TNR: variants seen among roughly 807,000 people sequenced by gnomAD.
TNR encodes tenascin R.
A neutral mutation model predicts 150.4 loss-of-function variants in TNR; 45 were observed. That is an observed-to-expected ratio of 0.30 (90% CI 0.24 to 0.38). The LOEUF (loss-of-function observed/expected upper bound fraction) is 0.38, where lower values mean the gene tolerates loss of function less well. Among genes scored for constraint, TNR ranks in the 10% least tolerant of loss-of-function variants. The pLI is 1.00. For missense variants in TNR, 1,544 were observed against 1,759.1 expected, an observed-to-expected ratio of 0.88 and a Z score of 2.19; for synonymous variants, 687 against 678.4, an observed-to-expected ratio of 1.01 and a Z score of -0.20.
intron 1 of TNR, among the ~76,000 whole-genome samples, chr1:175,646,869 C>T (rs573234698): frequency 1.3e-5 from 2 of 152,334 alleles, no homozygotes; most frequent in African/African-American, 4.8e-5. Flanking sequence ...GTTTTAATTC[C>T]TCTTGATCCA....
At chr1:175,458,258 GT>G (rs2102101573) in intron 2 of TNR, among the ~76,000 whole-genome samples, 1 of 152,208 alleles carries the variant, frequency 6.6e-6, no homozygotes, top group African/African-American at 2.4e-5. Context: ...TATGATTACT[GT>G]GTAAACCATT....
chr1:175,397,392 A>C (rs1557907184), intron 4 of TNR, among the ~76,000 whole-genome samples: 1 of 152,178 alleles, frequency 6.6e-6, no homozygotes, highest in East Asian at 1.9e-4. Context: ...GGGGCTTTTA[A>C]ATTTTTTTCC....
chr1:175,474,435 G>T (rs532351656), intron 2 of TNR, among the ~76,000 whole-genome samples: 2 of 152,170 alleles, frequency 1.3e-5, no homozygotes, highest in Non-Finnish European at 2.9e-5. Context: ...CTCAGAGAGG[G>T]CTAACCCTGC....
chr1:175,679,354 C>T (rs1221931877), intron 1 of TNR, among the ~76,000 whole-genome samples: 3 of 152,222 alleles, frequency 2.0e-5, no homozygotes, highest in Non-Finnish European at 4.4e-5. Context: ...CAGCCAGATG[C>T]AAGCCCTCTG....
Position 175,365,011 on chromosome 1 carries a change from T to C in TNR, c.2586A>G (p.Thr862=). 2 of 1,604,196 alleles carry C rather than the reference T, an allele frequency of 1.2e-6. No homozygotes were observed. The highest frequency in any genetic ancestry group is 1.7e-5 in the Admixed American group (1 of 59,676). The change falls in exon 12 of 23, where the codon ACA becomes ACG. Residue 862 remains threonine, a splice_region_variant and synonymous_variant. Transcript: ENST00000367674. ...TSEPIVGSIT[T]GIDPPKDITI... ...TGCTGCCAAGTCCTCCAGCCTCACC[T>C]GTGGTGATGGAGCCCACAATGGGCT... is the stretch of plus-strand genomic sequence containing the variant.
intron 2 of TNR, among the ~76,000 whole-genome samples, chr1:175,472,983 G>T (rs969928517): frequency 6.6e-6 from 1 of 152,196 alleles, no homozygotes; most frequent in African/African-American, 2.4e-5. Flanking sequence ...AGAATAGAAG[G>T]CTTTGGAGCA....
chr1:175,455,810 G>A (rs1280916491), intron 2 of TNR, among the ~76,000 whole-genome samples: 8 of 152,222 alleles, frequency 5.3e-5, no homozygotes, highest in Admixed American at 5.2e-4. Flanking sequence ...GGCAGCCAGA[G>A]TAGGTCCTTG....
intron 1 of TNR, among the ~76,000 whole-genome samples, chr1:175,695,412 T>C (rs1026465155): frequency 6.6e-6 from 1 of 152,180 alleles, no homozygotes; most frequent in African/African-American, 2.4e-5. Flanking sequence ...ACTGCACAGC[T>C]AAGCTGCTCC....
chr1:175,743,119 C>T (rs1006819632), intron 1 of TNR, 107 bp downstream of exon 1: 9 of 152,202 alleles, frequency 5.9e-5, no homozygotes, highest in Non-Finnish European at 1.3e-4. Flanking sequence ...TGCCAAATGC[C>T]TTGCAGAACA....
chr1:175,510,731 AT>A (rs1214747034), intron 2 of TNR, among the ~76,000 whole-genome samples: 1 of 152,232 alleles, frequency 6.6e-6, no homozygotes, highest in Non-Finnish European at 1.5e-5. Context: ...AAGCAAGTTT[AT>A]TCTATAAATC....
chr1:175,735,546 G>A (rs1056817139), intron 1 of TNR, among the ~76,000 whole-genome samples: 2 of 152,180 alleles, frequency 1.3e-5, no homozygotes, highest in African/African-American at 2.4e-5. Context: ...AATACTTCAC[G>A]AAGCAGGCAG....
At chr1:175,480,315 A>G (rs571477415) in intron 2 of TNR, among the ~76,000 whole-genome samples, 1 of 151,710 alleles carries the variant, frequency 6.6e-6, no homozygotes, top group South Asian at 2.1e-4. Context: ...TGAGGAAGAA[A>G]GAAAGAGAGA....
intron 2 of TNR, among the ~76,000 whole-genome samples, chr1:175,468,853 T>C (rs925247203): frequency 6.6e-6 from 1 of 151,960 alleles, no homozygotes; most frequent in African/African-American, 2.4e-5. Flanking sequence ...TAAAAGAGAA[T>C]TTCTGAAGGG....
chr1:175,613,241 T>A (rs898318074), intron 1 of TNR, among the ~76,000 whole-genome samples: 4 of 152,208 alleles, frequency 2.6e-5, no homozygotes, highest in Non-Finnish European at 5.9e-5. Context: ...GGCTTCTGAG[T>A]CTCTGTAGCT....
At chr1:175,440,213 A>G (rs938363724) in intron 2 of TNR, among the ~76,000 whole-genome samples, 4 of 152,216 alleles carry the variant, frequency 2.6e-5, no homozygotes, top group Non-Finnish European at 5.9e-5. Context: ...TGATGAGTTC[A>G]TGTCCTTTAT....
At chr1:175,720,274 T>C (rs904105021) in intron 1 of TNR, among the ~76,000 whole-genome samples, 1 of 152,116 alleles carries the variant, frequency 6.6e-6, no homozygotes, top group African/African-American at 2.4e-5. Context: ...CTCTCTCTCT[T>C]TCTGTCATGT....
At chr1:175,526,291 T>C (rs1328636510) in intron 2 of TNR, among the ~76,000 whole-genome samples, 1 of 152,246 alleles carries the variant, frequency 6.6e-6, no homozygotes, top group Admixed American at 6.5e-5. Flanking sequence ...TAAAGGTTAT[T>C]GTCTGGAACT....
chr1:175,365,371 C>T, intron 11 of TNR, 92 bp from the exon 12 acceptor site: 1 of 1,419,960 alleles, frequency 7.0e-7, no homozygotes, highest in Non-Finnish European at 9.4e-7. Flanking sequence ...ACCTGCTCTC[C>T]TTGCTAATAA....
rs1557888765 is a variant in TNR, at chr1:175,367,201, T to C, written c.2053+7A>G. 1 of 1,613,866 alleles carries C rather than the reference T, an allele frequency of 6.2e-7. No homozygotes were observed. The highest frequency in any genetic ancestry group is 2.2e-5 in the East Asian group (1 of 44,886). ...TGGTCTTCTTCCTCAGCAGTCCTCC[T>C]ACTCACCAGTCCTGGCATTCATGGT... On this transcript the variant is annotated splice_region_variant and intron_variant, in intron 10 of 22. Coordinates refer to ENST00000367674, the MANE Select transcript of TNR (RefSeq NM_003285.3).
Sources: gnomAD v4.1 joint callset for allele counts (sites outside exome capture counted in the v4.1 genomes callset) on GRCh38, gnomAD v4.1.1 for gene constraint, MANE v1.5 for transcripts, NCBI Gene and HGNC (gene_info 2026-07-23, HGNC 2026-07-21) for gene names.